The following EXOC4 variants were observed in gnomAD, a reference collection of about 807,000 sequenced individuals.
The protein encoded by EXOC4 is exocyst complex component 4, also known as SEC8-like 1.
EXOC4 carries 71 observed loss-of-function variants against 107.2 expected under a neutral mutation model. That is an observed-to-expected ratio of 0.66 (90% CI 0.55 to 0.81). The LOEUF is 0.81. Ranked by LOEUF, EXOC4 falls within the 30% of genes least tolerant of loss-of-function variation. The pLI is 0.00. For missense variants in EXOC4, 1,108 were observed against 1,189.6 expected, an observed-to-expected ratio of 0.93 and a Z score of 1.01; for synonymous variants, 456 against 441.2, an observed-to-expected ratio of 1.03 and a Z score of -0.42.
At chr7:133,918,844 A>G (rs1477013744) in intron 13 of EXOC4, among the ~76,000 whole-genome samples, 1 of 152,208 alleles carries the variant, frequency 6.6e-6, no homozygotes, top group Non-Finnish European at 1.5e-5. Flanking sequence ...TAAGTGGTAA[A>G]AATAAAATAA....
chr7:133,420,136 A>C (rs1485546789), intron 7 of EXOC4, among the ~76,000 whole-genome samples: 2 of 90,378 alleles, frequency 2.2e-5, no homozygotes, highest in African/African-American at 4.4e-5. Context: ...CCACCCCACC[A>C]CAGTCCCCAG....
At chr7:133,569,736 A>G (rs1037478502) in intron 9 of EXOC4, among the ~76,000 whole-genome samples, 1 of 152,180 alleles carries the variant, frequency 6.6e-6, no homozygotes, top group Non-Finnish European at 1.5e-5. Context: ...CTATCCTTCA[A>G]ATTTTGACAG....
intron 10 of EXOC4, among the ~76,000 whole-genome samples, chr7:133,730,873 T>G (rs1466691971): frequency 6.6e-6 from 1 of 152,208 alleles, no homozygotes; most frequent in East Asian, 1.9e-4. Context: ...TTTTGGTGAA[T>G]GCTGTGGAAG....
chr7:133,969,348 G>T (rs144865092), intron 14 of EXOC4, among the ~76,000 whole-genome samples: 1 of 152,108 alleles, frequency 6.6e-6, no homozygotes, highest in Non-Finnish European at 1.5e-5. Flanking sequence ...CTGTCAATTC[G>T]CCAAACTCAT....
chr7:133,282,971 C>G (rs2150535597), intron 2 of EXOC4, among the ~76,000 whole-genome samples: 1 of 152,336 alleles, frequency 6.6e-6, no homozygotes, highest in Non-Finnish European at 1.5e-5. Context: ...TACTGCTCTA[C>G]TTTATGCTTC....
chr7:133,777,602 A>G (rs1796373402), intron 10 of EXOC4, among the ~76,000 whole-genome samples: 1 of 152,200 alleles, frequency 6.6e-6, no homozygotes, highest in African/African-American at 2.4e-5. Context: ...TTGGAATTGT[A>G]GTAGAAAGTG....
intron 17 of EXOC4, among the ~76,000 whole-genome samples, chr7:134,028,927 G>C (rs1318950419): frequency 2.6e-5 from 4 of 152,218 alleles, no homozygotes; most frequent in African/African-American, 9.6e-5. Context: ...AGCATTCTCA[G>C]CTATACTGGC....
chr7:133,393,810 A>G (rs1179130326), intron 7 of EXOC4, among the ~76,000 whole-genome samples: 4 of 152,172 alleles, frequency 2.6e-5, no homozygotes, highest in African/African-American at 7.2e-5. Context: ...TAAGCTACTC[A>G]ATCTGTGGCA....
At chr7:133,786,187 G>A (rs1585143898) in intron 10 of EXOC4, among the ~76,000 whole-genome samples, 1 of 152,170 alleles carries the variant, frequency 6.6e-6, no homozygotes, top group African/African-American at 2.4e-5. Flanking sequence ...CCCTTTGGAA[G>A]GACAAAAACC....
rs1168259104 is a variant in EXOC4 at position 133,288,902 on chromosome 7, C to T, written c.277-20C>T. On this transcript the variant is annotated intron_variant, in intron 2 of 17. Coordinates refer to ENST00000253861, the MANE Select transcript of EXOC4 (RefSeq NM_021807.4). Reference sequence around the variant, plus strand: ...GGCAAGACTTTGGACTGACCCAAGACCGAATCTGTTTTATTGTAGGTAAAA... The same window carrying T: ...GGCAAGACTTTGGACTGACCCAAGATCGAATCTGTTTTATTGTAGGTAAAA... 1 of 1,611,298 alleles carries T rather than the reference C, an allele frequency of 6.2e-7. No individual in the cohort carries two copies.
rs191668945 is a variant in EXOC4 at position 133,840,697 on chromosome 7, G to T, written c.1734+23153G>T. 1.6e-4 allele frequency among the ~76,000 whole-genome samples: 24 copies of T among 151,920 alleles called. No individual in the cohort carries two copies. The East Asian group carries it at 3.5e-3, about 22-fold the overall frequency. ...GGAGTTTCACCATGTTGGACAGGAT[G>T]GTCTCCATCTCCTGGCCTCGCGATC... On this transcript the variant is annotated intron_variant, in intron 11 of 17. Transcript: ENST00000253861.
chr7:133,728,473 C>T (rs1389668257), intron 10 of EXOC4, among the ~76,000 whole-genome samples: 3 of 152,122 alleles, frequency 2.0e-5, no homozygotes, highest in African/African-American at 7.2e-5. Context: ...CTGACCATAT[C>T]GAATGAATCA....
At chr7:134,098,444 A>G in the EXOC4 span, among the ~76,000 whole-genome samples, 2 of 152,182 alleles carry the variant, frequency 1.3e-5, no homozygotes, top group Non-Finnish European at 2.9e-5. Flanking sequence ...TTGCACACAC[A>G]GTGCTATTTC....
At chr7:133,503,828 G>C (rs1799619434) in intron 9 of EXOC4, among the ~76,000 whole-genome samples, 1 of 152,088 alleles carries the variant, frequency 6.6e-6, no homozygotes, top group South Asian at 2.1e-4. Context: ...GGGTGGTTTG[G>C]GGGAGGGTAC....
chr7:133,543,718 G>A (rs1294446310), intron 9 of EXOC4, among the ~76,000 whole-genome samples: 2 of 94,898 alleles, frequency 2.1e-5, no homozygotes, highest in African/African-American at 5.9e-5. Flanking sequence ...TGCTAGAAGT[G>A]TGCTTGTCAC....
At chr7:133,865,122 T>C (rs1002416560) in intron 11 of EXOC4, among the ~76,000 whole-genome samples, 2 of 152,172 alleles carry the variant, frequency 1.3e-5, no homozygotes, top group Admixed American at 6.5e-5. Context: ...CTTTTTCTTA[T>C]ATAAATTTCA....
At chr7:133,311,753 T>C (rs920942738) in intron 4 of EXOC4, among the ~76,000 whole-genome samples, 4 of 152,216 alleles carry the variant, frequency 2.6e-5, no homozygotes, top group African/African-American at 9.6e-5. Context: ...AACGCTTTAA[T>C]ATCTAAAGCA....
intron 9 of EXOC4, among the ~76,000 whole-genome samples, chr7:133,554,085 A>G (rs1050328377): frequency 6.6e-6 from 1 of 152,286 alleles, no homozygotes; most frequent in Non-Finnish European, 1.5e-5. Context: ...CTCACAGTTT[A>G]TCTGTTATGT....
chr7:134,051,421 C>T (rs922262138), intron 17 of EXOC4, among the ~76,000 whole-genome samples: 1 of 152,170 alleles, frequency 6.6e-6, no homozygotes, highest in African/African-American at 2.4e-5. Flanking sequence ...GCCTGTAATC[C>T]TAGCACTTCG....
Sources: allele counts gnomAD v4.1 joint callset (sites outside exome capture counted in the v4.1 genomes callset), GRCh38; gene constraint gnomAD v4.1.1; transcripts MANE v1.5; gene names NCBI Gene and HGNC (gene_info 2026-07-23, HGNC 2026-07-21).